Variants in STOX2 observed in about 807,000 individuals in gnomAD.
STOX2 encodes the protein storkhead-box protein 2.
STOX2 carries 28 observed loss-of-function variants against 60.9 expected under a neutral mutation model. The ratio of observed to expected loss-of-function variants is 0.46; its 90% CI spans 0.34 to 0.63. STOX2 has a LOEUF of 0.63. Among genes scored for constraint, STOX2 ranks in the 30% least tolerant of loss-of-function variants. STOX2 has a pLI of 0.01. For synonymous variants in STOX2, 472 were observed against 463.9 expected (o/e 1.02, Z -0.22); for missense variants, 1,024 against 1,187.7 (o/e 0.86, Z 2.03).
chr4:183,872,116 C>T (rs906871401), intron 1 of STOX2, among the ~76,000 whole-genome samples: 3 of 151,940 alleles, frequency 2.0e-5, no homozygotes, highest in Non-Finnish European at 4.4e-5. Flanking sequence ...AGTATAGTGG[C>T]GCAATCTTGG....
chr4:183,922,948 G>A (rs1259110091), intron 1 of STOX2, among the ~76,000 whole-genome samples: 1 of 152,110 alleles, frequency 6.6e-6, no homozygotes, highest in Non-Finnish European at 1.5e-5. Context: ...ATGTTGTAGC[G>A]TGTGTTGGAA....
At chr4:183,880,677 G>A (rs954165982) in intron 1 of STOX2, among the ~76,000 whole-genome samples, 9 of 152,202 alleles carry the variant, frequency 5.9e-5, no homozygotes, top group Admixed American at 6.5e-5. Flanking sequence ...GAGATGAAGA[G>A]AAAAAGATGG....
At chr4:184,004,355 T>G (rs896531376) in intron 2 of STOX2, among the ~76,000 whole-genome samples, 1 of 152,168 alleles carries the variant, frequency 6.6e-6, no homozygotes, top group African/African-American at 2.4e-5. Flanking sequence ...ATCCCAGCAC[T>G]TTGGGAGGCC....
chr4:183,823,325 G>A (rs906104818), intron 1 of STOX2, among the ~76,000 whole-genome samples: 2 of 152,184 alleles, frequency 1.3e-5, no homozygotes, highest in South Asian at 4.1e-4. Flanking sequence ...GAACCCGGGA[G>A]GCAGAGGTTG....
At chr4:183,990,659 A>C (rs1733071411) in intron 1 of STOX2, among the ~76,000 whole-genome samples, 1 of 132,490 alleles carries the variant, frequency 7.5e-6, no homozygotes, top group South Asian at 2.4e-4. Context: ...AATTTTAAGA[A>C]TCTTCACAGG....
chr4:183,833,704 C>T (rs565770984), intron 1 of STOX2, among the ~76,000 whole-genome samples: 107 of 147,594 alleles, frequency 7.2e-4, no homozygotes, highest in Middle Eastern at 3.4e-3. Context: ...TGAGAAGGGC[C>T]GGGCGCGGTG....
rs551677261 is a variant in STOX2 at position 183,811,977 on chromosome 4, G to A, written c.364+13922G>A. ...GAGACAGGGTCTCACTCTCACCCAGGCTAGGGTGCAGTGGTGTGATTATGG... is the reference window on the plus strand; with the variant it reads ...GAGACAGGGTCTCACTCTCACCCAGACTAGGGTGCAGTGGTGTGATTATGG... On this transcript the variant is annotated intron_variant, in intron 1 of 2. Transcript: ENST00000513034. Among the ~76,000 whole-genome samples, 10 of 148,706 alleles carry A rather than the reference G, an allele frequency of 6.7e-5. No individual in the cohort carries two copies. The South Asian group carries it at 2.1e-3, about 31-fold the overall frequency.
rs1396157736 is a variant in STOX2 at position 183,825,526 on chromosome 4, G to A, written c.364+27471G>A. Reference sequence around the variant, plus strand: ...TGAATAGACGTTCCTTCAGGCCCAAGTGCAGGCAGCCACCCTCGCTGTAGG... The same window carrying A: ...TGAATAGACGTTCCTTCAGGCCCAAATGCAGGCAGCCACCCTCGCTGTAGG... On this transcript the variant is annotated intron_variant, in intron 1 of 2. Coordinates refer to the STOX2 transcript ENST00000513034. This position sits in a 1 kb window ranked among gnomAD's most constrained non-coding sequence, Gnocchi z 4.1. 2.0e-5 allele frequency among the ~76,000 whole-genome samples: 3 copies of A among 152,210 alleles called. No individual in the cohort carries two copies. The East Asian group carries it at 5.8e-4, about 29-fold the overall frequency.
At position 183,996,540 on chromosome 4, in the gene STOX2, T is replaced by G. The variant is rs978507031; in HGVS notation, c.167-4785T>G. ...GAATAAATAAATGTGGTCCGGTAGT[T>G]GGAAGAATTTTCTAGTAGCATATCT... is the stretch of plus-strand genomic sequence containing the variant. On this transcript the variant is annotated intron_variant, in intron 1 of 3. Coordinates refer to ENST00000308497, the MANE Select transcript of STOX2 (RefSeq NM_020225.3). Among the ~76,000 whole-genome samples, 70 of 152,182 alleles carry G rather than the reference T, an allele frequency of 4.6e-4. 1 individual carries two copies. The highest frequency in any genetic ancestry group is 4.3e-4 in the Non-Finnish European group (29 of 68,032).
At chr4:184,014,598 C>G (rs924802518) in intron 3 of STOX2, 2 of 151,630 alleles carry the variant, frequency 1.3e-5, no homozygotes, top group African/African-American at 4.8e-5. Context: ...AAACAAAAAA[C>G]CAACTTTTAA....
In STOX2 at chr4:183,933,381, G is replaced by A. The variant is rs372285830; in HGVS notation, c.166+26425G>A. 8.5e-4 allele frequency among the ~76,000 whole-genome samples: 79 copies of A among 92,764 alleles called. 3 individuals are homozygous for A. In the East Asian group the frequency reaches 0.017, roughly 20 times the overall value. The allele number at this position is 92,764 out of a possible 152,430, so 60.9% of individuals were successfully genotyped here. ...AAAAGCTATACAGTAAACCCCAGAA[G>A]TTGTTGTTGTTGTTGTTGTTGTTGT... On this transcript the variant is annotated intron_variant, in intron 1 of 3. Transcript: ENST00000308497.
intron 1 of STOX2, among the ~76,000 whole-genome samples, chr4:183,848,884 T>A (rs574975630): frequency 6.6e-6 from 1 of 152,178 alleles, no homozygotes; most frequent in Non-Finnish European, 1.5e-5. Flanking sequence ...GAAGTCCATG[T>A]TGGGGCCCAG....
At position 183,935,429 on chromosome 4, in the gene STOX2, G is replaced by A. The variant is rs141387177; in HGVS notation, c.166+28473G>A. ...TGGAATGCAGCATTTTGGGGCTAACGCTCTAGAGAATTATAAGGGTGAATA... is the reference window on the plus strand; with the variant it reads ...TGGAATGCAGCATTTTGGGGCTAACACTCTAGAGAATTATAAGGGTGAATA... On this transcript the variant is annotated intron_variant, in intron 1 of 3. Coordinates refer to ENST00000308497, the MANE Select transcript of STOX2 (RefSeq NM_020225.3). 9.2e-5 allele frequency among the ~76,000 whole-genome samples: 14 copies of A among 152,362 alleles called. No homozygotes were observed. The East Asian group carries it at 1.9e-3, about 21-fold the overall frequency.
chr4:183,898,221 G>C (rs1251732442), intron 1 of STOX2, among the ~76,000 whole-genome samples: 1 of 152,114 alleles, frequency 6.6e-6, no homozygotes, highest in African/African-American at 2.4e-5. Context: ...GAAGGCTGTA[G>C]AAACACAGTA....
At chr4:183,852,500 G>A (rs867464370) in intron 1 of STOX2, among the ~76,000 whole-genome samples, 2 of 112,546 alleles carry the variant, frequency 1.8e-5, no homozygotes, top group Non-Finnish European at 3.8e-5. Flanking sequence ...AAAGGATGAG[G>A]GAAAGGATGA....
chr4:183,971,033 G>A (rs1009777142), intron 1 of STOX2, among the ~76,000 whole-genome samples: 1 of 152,164 alleles, frequency 6.6e-6, no homozygotes, highest in African/African-American at 2.4e-5. Flanking sequence ...GAATTTTGGG[G>A]TCAGGTTATT....
At chr4:183,967,465 C>A (rs574185637) in intron 1 of STOX2, among the ~76,000 whole-genome samples, 1 of 151,026 alleles carries the variant, frequency 6.6e-6, no homozygotes, top group African/African-American at 2.4e-5. Context: ...GTGAGTGGTG[C>A]AAGAGGAAGA....
intron 1 of STOX2, among the ~76,000 whole-genome samples, chr4:183,916,789 T>G (rs1391080960): frequency 3.9e-5 from 6 of 152,242 alleles, no homozygotes; most frequent in Admixed American, 3.9e-4. Context: ...AGTTTTACTT[T>G]GCAACCGTGT....
At chr4:183,966,063 G>A (rs1047821221) in intron 1 of STOX2, among the ~76,000 whole-genome samples, 1 of 146,892 alleles carries the variant, frequency 6.8e-6, no homozygotes, top group South Asian at 2.4e-4. Flanking sequence ...AGAGAGGGGG[G>A]CAGGGAGGGA....
Sources: allele counts gnomAD v4.1 joint callset (sites outside exome capture counted in the v4.1 genomes callset), GRCh38; gene constraint gnomAD v4.1.1; non-coding constraint Gnocchi (gnomAD v3.1); transcripts MANE v1.5; gene names NCBI Gene and HGNC (gene_info 2026-07-23, HGNC 2026-07-21).